The following ZNF726 variants were observed in gnomAD, a reference collection of about 807,000 sequenced individuals.
The protein encoded by ZNF726 is zinc finger protein 92 pseudogene 3.
A neutral mutation model predicts 11.6 loss-of-function variants in ZNF726; 15 were observed. That is an observed-to-expected ratio of 1.29 (90% CI 0.86 to 1.99). ZNF726 has a LOEUF of 1.99. Ranked by LOEUF, ZNF726 falls within the 30% of genes most tolerant of loss-of-function variation. The pLI, the probability that ZNF726 is intolerant of heterozygous loss-of-function variation, is 0.00. For missense variants in ZNF726, 890 were observed against 725.6 expected (o/e 1.23, Z -2.60); for synonymous variants, 295 against 243.6 (o/e 1.21, Z -1.96).
At chr19:23,937,355 G>T (rs561084930), downstream of ZNF726, among the ~76,000 whole-genome samples, 3 of 152,072 alleles carry the variant, frequency 2.0e-5, no homozygotes, top group East Asian at 5.9e-4. Flanking sequence ...AGATGGGGTG[G>T]CTGCTGGGCG....
chr19:23,936,618 G>C (rs987874090), downstream of ZNF726, among the ~76,000 whole-genome samples: 9 of 152,164 alleles, frequency 5.9e-5, no homozygotes, highest in Non-Finnish European at 1.0e-4. Flanking sequence ...AATTTAAGTA[G>C]AGAGGCTCTT....
chr19:23,942,727 CTT>C (rs1364140948), intron 3 of ZNF726, among the ~76,000 whole-genome samples: 3 of 152,170 alleles, frequency 2.0e-5, no homozygotes, highest in Admixed American at 2.0e-4. Context: ...ATCTTTGTCT[CTT>C]TTAACCACTG....
At chr19:23,921,314 T>A (rs2144965033) in intron 3 of ZNF726, 1 of 152,310 alleles carries the variant, frequency 6.6e-6, no homozygotes, top group African/African-American at 2.4e-5. Flanking sequence ...TATATATAGT[T>A]TGAAATTATA....
chr19:23,938,953 A>G (rs1192637473), downstream of ZNF726, among the ~76,000 whole-genome samples: 1 of 152,002 alleles, frequency 6.6e-6, no homozygotes, highest in Non-Finnish European at 1.5e-5. Flanking sequence ...CTGGTCTGTA[A>G]GTATAAGAAT....
intron 3 of ZNF726, among the ~76,000 whole-genome samples, chr19:23,929,933 G>C (rs1968070085): frequency 6.6e-6 from 1 of 152,050 alleles, no homozygotes; most frequent in African/African-American, 2.4e-5. Flanking sequence ...ATGCTGTCCA[G>C]TAGTATTTTT....
rs764673840 is a variant in ZNF726 at position 23,933,695 on chromosome 19, CATA to C, written c.1581_1583del (p.His527_Lys528delinsGln). The stretch of plus-strand genomic sequence containing the variant: ...TATATTGTCCTCGACCCTATCTAAA[CATA>C]AGAGGATTCACACTGGAGAGAAACC... On this transcript the variant is annotated inframe_deletion, in exon 4 of 4. Coordinates refer to ENST00000594466, the MANE Select transcript of ZNF726 (RefSeq NM_001244038.2). 10 of 1,612,266 alleles carry C rather than the reference CATA, an allele frequency of 6.2e-6. No individual in the cohort carries two copies. In the African/African-American group the frequency reaches 1.3e-4, roughly 22 times the overall value.
At chr19:23,921,845 A>G (rs532326483) in intron 3 of ZNF726, among the ~76,000 whole-genome samples, 32 of 152,338 alleles carry the variant, frequency 2.1e-4, no homozygotes, top group African/African-American at 6.7e-4. Context: ...TTCAATTTCA[A>G]TGACTTTAAA....
intron 4 of ZNF726, chr19:23,944,512 T>C (rs1485803220): frequency 6.5e-6 from 1 of 152,772 alleles, no homozygotes; most frequent in Non-Finnish European, 1.5e-5. Context: ...TGGGATTCTT[T>C]ATTATTATGA....
downstream of ZNF726, chr19:23,935,984 C>G (rs1202925040): frequency 1.3e-5 from 2 of 152,208 alleles, no homozygotes; most frequent in East Asian, 1.9e-4. Context: ...ACTTGTCTCA[C>G]AGATCTTATT....
rs1968058777 is a variant in ZNF726, at chr19:23,929,489, T to A, written c.227-2854T>A. On this transcript the variant is annotated intron_variant, in intron 3 of 3. Coordinates refer to ENST00000594466, the MANE Select transcript of ZNF726 (RefSeq NM_001244038.2). ...CAGGAAAACTCTGCCTTATAAAGCC[T>A]TCAGATTTCATGAGACTTATTCACT... Among the ~76,000 whole-genome samples, 3 of 152,248 alleles carry A rather than the reference T, an allele frequency of 2.0e-5. No homozygotes were observed. In the South Asian group the frequency reaches 6.2e-4, roughly 32 times the overall value.
intron 1 of ZNF726, 85 bp downstream of exon 1, chr19:23,915,082 T>C: frequency 6.3e-7 from 1 of 1,596,716 alleles, no homozygotes. Context: ...GACTCAGGCC[T>C]CCTCGCTGTC....
chr19:23,914,919 C>G lies in ZNF726; in HGVS notation c.-76C>G. 1.2e-6 allele frequency: 2 copies of G among 1,604,956 alleles called. No individual in the cohort carries two copies. Among genetic ancestry groups the G allele is most frequent in the Non-Finnish European group, 1.7e-6 (2 of 1,175,484 alleles). On this transcript the variant is annotated 5_prime_UTR_variant, in exon 1 of 4. Transcript: ENST00000594466. Reference sequence around the variant, plus strand: ...CTGCGGCCGGAGCTCCAGGTCTCGTCCTCACTACTCTGTGTCTTCTGCTTT... The same window carrying G: ...CTGCGGCCGGAGCTCCAGGTCTCGTGCTCACTACTCTGTGTCTTCTGCTTT...
In ZNF726 at chr19:23,933,814, G is replaced by T. The variant is rs746935712; in HGVS notation, c.1698G>T (p.Lys566Asn). ...KIIHTGEKPY[K>N]CEECGKAFNR... is the part of the protein sequence containing the mutation. ...TTCATACTGGAGAGAAACCTTACAAGTGTGAAGAATGTGGAAAAGCGTTTA... is the reference window on the plus strand; with the variant it reads ...TTCATACTGGAGAGAAACCTTACAATTGTGAAGAATGTGGAAAAGCGTTTA... The change falls in exon 4 of 4, where the codon AAG becomes AAT. Residue 566 changes from lysine (K) to asparagine (N), a missense_variant. Coordinates refer to ENST00000594466, the MANE Select transcript of ZNF726 (RefSeq NM_001244038.2). The T allele has an allele frequency of 3.1e-6, 5 of 1,604,574 alleles. No homozygotes were observed. In the South Asian group the frequency reaches 3.3e-5, roughly 11 times the overall value.
downstream of ZNF726, among the ~76,000 whole-genome samples, chr19:23,938,356 CA>C (rs35995397): frequency 1.3e-4 from 20 of 150,534 alleles, no homozygotes; most frequent in East Asian, 3.9e-4. Context: ...TATTTTTAGC[CA>C]AAAAAAAGTA....
intron 3 of ZNF726, chr19:23,923,399 G>T: frequency 4.9e-6 from 2 of 410,064 alleles, no homozygotes; most frequent in East Asian, 8.4e-5. Context: ...CCATACAATA[G>T]ATGCCAGTAA....
At chr19:23,935,242 T>A, downstream of ZNF726, 2 of 463,416 alleles carry the variant, frequency 4.3e-6, no homozygotes, top group Non-Finnish European at 8.8e-6. Context: ...TCTTTTAACC[T>A]GTCTTCAACT....
At chr19:23,937,137 G>T (rs569447676), downstream of ZNF726, among the ~76,000 whole-genome samples, 1 of 146,528 alleles carries the variant, frequency 6.8e-6, no homozygotes, top group Non-Finnish European at 1.5e-5. Context: ...GGGCGGGGGG[G>T]CTGACCCCCC....
chr19:23,938,965 AT>A (rs200806118), downstream of ZNF726, among the ~76,000 whole-genome samples: 66 of 149,772 alleles, frequency 4.4e-4, no homozygotes, highest in African/African-American at 9.3e-4. Flanking sequence ...TATAAGAATG[AT>A]TTTTTTTTTA....
chr19:23,919,463 G>C lies in ZNF726; in HGVS notation c.94G>C (p.Val32Leu), dbSNP rs1339353864. Residue 32 changes from valine (V) to leucine (L), a missense_variant, in exon 2 of 4, where the codon GTG becomes CTG. Val to Leu is a conservative substitution (Grantham distance 32, BLOSUM62 1). Transcript: ENST00000594466. ...DTAQKNLYRN[V>L]MLENYRNLAF... Reference sequence around the variant, plus strand: ...TGCACAGAAGAATTTATATAGGAATGTGATGTTAGAGAACTACAGAAACCT... The same window carrying C: ...TGCACAGAAGAATTTATATAGGAATCTGATGTTAGAGAACTACAGAAACCT... 6.2e-7 allele frequency: 1 copy of C among 1,606,622 alleles called. No homozygotes were observed. The highest frequency in any genetic ancestry group is 8.5e-7 in the Non-Finnish European group (1 of 1,176,032).
Sources: allele counts gnomAD v4.1 joint callset (sites outside exome capture counted in the v4.1 genomes callset), GRCh38; gene constraint gnomAD v4.1.1; transcripts MANE v1.5; gene names NCBI Gene and HGNC (gene_info 2026-07-23, HGNC 2026-07-21).